Variants in TMEM68 observed in about 807,000 individuals in gnomAD.
The protein encoded by TMEM68 is transmembrane protein 68.
Under a neutral mutation model 36.9 loss-of-function variants are expected in TMEM68, and 25 were observed. That is an observed-to-expected ratio of 0.68 (90% CI 0.49 to 0.95). The LOEUF is 0.95. Ranked by LOEUF, TMEM68 falls within the 40% of genes least tolerant of loss-of-function variation. The pLI, the probability that TMEM68 is intolerant of heterozygous loss-of-function variation, is 0.00. For synonymous variants in TMEM68, 131 were observed against 124.4 expected (o/e 1.05, Z -0.35); for missense variants, 333 against 392.0 (o/e 0.85, Z 1.27).
Position 55,745,078 on chromosome 8 carries a change from C to T in TMEM68, c.731G>A (p.Arg244Lys). Residue 244 changes from arginine to lysine, a missense_variant, in exon 6 of 8, where the codon AGA (arginine) becomes AAA (lysine). By Grantham distance (26) the Arg-to-Lys change is conservative. Transcript: ENST00000434581. ...GAACTTACTTGTTCCTCCAAGTGAT[C>T]TAAATCCTTCTCGAATATTTTGTGT... ...MFTQNIREGF[R>K]SLGGTRLFRW... The T allele has an allele frequency of 6.7e-7, 1 of 1,496,220 alleles. No individual in the cohort carries two copies. The allele number at this position is 1,496,220 out of a possible 1,614,324, so 92.7% of individuals were successfully genotyped here.
At chr8:55,766,323 G>A (rs975802995) in intron 1 of TMEM68, among the ~76,000 whole-genome samples, 3 of 151,566 alleles carry the variant, frequency 2.0e-5, no homozygotes, top group African/African-American at 4.9e-5. Context: ...GACAGGGAGG[G>A]CACTTGGAAA....
At chr8:55,745,199 A>C in intron 5 of TMEM68, 78 bp from the exon 6 acceptor site, 1 of 990,790 alleles carries the variant, frequency 1.0e-6, no homozygotes, top group South Asian at 2.2e-5. Context: ...ACTAATGCAA[A>C]CTTTTTTTTT....
intron 7 of TMEM68, among the ~76,000 whole-genome samples, chr8:55,741,855 G>A (rs1182632457): frequency 3.3e-5 from 5 of 152,106 alleles, no homozygotes; most frequent in African/African-American, 2.4e-5. Flanking sequence ...AAGTAAAAAA[G>A]CATAGACTTT....
intron 5 of TMEM68, among the ~76,000 whole-genome samples, chr8:55,750,143 T>G (rs943160615): frequency 2.0e-5 from 3 of 152,214 alleles, no homozygotes; most frequent in African/African-American, 7.2e-5. Context: ...TTTTTATCAT[T>G]GTTTTCATAT....
At chr8:55,760,893 C>G (rs1810770124) in intron 3 of TMEM68, 1 of 152,148 alleles carries the variant, frequency 6.6e-6, no homozygotes, top group African/African-American at 2.4e-5. Context: ...CTCTACAAAA[C>G]AGTCACTGAG....
chr8:55,759,678 T>C (rs1409118575), intron 3 of TMEM68, among the ~76,000 whole-genome samples: 1 of 152,218 alleles, frequency 6.6e-6, no homozygotes, highest in African/African-American at 2.4e-5. Flanking sequence ...CACTGTTATA[T>C]ATACACAGAT....
intron 3 of TMEM68, among the ~76,000 whole-genome samples, chr8:55,756,950 A>G (rs1810625758): frequency 7.1e-6 from 1 of 140,086 alleles, no homozygotes; most frequent in Non-Finnish European, 1.5e-5. Flanking sequence ...GTGGCCTGGC[A>G]CAAGCAGGGA....
intron 7 of TMEM68, among the ~76,000 whole-genome samples, chr8:55,742,094 T>C (rs111761583): frequency 5.3e-5 from 8 of 152,242 alleles, no homozygotes; most frequent in South Asian, 4.1e-4. Flanking sequence ...TATCACGTGA[T>C]ACAACATAGA....
In TMEM68 at chr8:55,743,616, T is replaced by C. The variant is rs1465435653; in HGVS notation, c.753A>G (p.Leu251=). Reference sequence around the variant, plus strand: ...GGAATTTTTCATAAAGCCACCTAAATAACCCTGTTTTAGAGTAAATACAAT... The same window carrying C: ...GGAATTTTTCATAAAGCCACCTAAACAACCCTGTTTTAGAGTAAATACAAT... The part of the protein sequence containing the change: ...EGFRSLGGTR[L]FRWLYEKFRY... Residue 251 remains leucine, a synonymous_variant, in exon 7 of 8, where the codon TTA becomes TTG. Transcript: ENST00000434581. 1 of 1,534,348 alleles carries C rather than the reference T, an allele frequency of 6.5e-7. No homozygotes were observed. The highest frequency in any genetic ancestry group is 2.4e-5 in the East Asian group (1 of 40,890).
intron 4 of TMEM68, among the ~76,000 whole-genome samples, chr8:55,754,460 TATATATACAC>T (rs1476357704): frequency 9.0e-6 from 1 of 110,716 alleles, no homozygotes; most frequent in African/African-American, 4.0e-5. Context: ...TATATATATA[TATATATACAC>T]ACACACACAC....
At chr8:55,746,179 G>A (rs1226389079) in intron 5 of TMEM68, 1 of 150,712 alleles carries the variant, frequency 6.6e-6, no homozygotes, top group Admixed American at 6.7e-5. Flanking sequence ...ATCCAGTTGC[G>A]GTGGTACGTG....
At position 55,748,420 on chromosome 8, in the gene TMEM68, C is replaced by G. The variant is rs547481157; in HGVS notation, c.687+2544G>C. 2.6e-5 allele frequency among the ~76,000 whole-genome samples: 4 copies of G among 152,228 alleles called. No homozygotes were observed. The South Asian group carries it at 6.2e-4, about 24-fold the overall frequency. The stretch of plus-strand genomic sequence containing the variant: ...CTCCTAACCTCAAGTGATCTGCCCA[C>G]CTCAGCCTTCATTCCTTCTTTCATG... On this transcript the variant is annotated intron_variant, in intron 5 of 7. Transcript: ENST00000434581.
chr8:55,758,667 A>T (rs1340367072), intron 3 of TMEM68, among the ~76,000 whole-genome samples: 1 of 152,190 alleles, frequency 6.6e-6, no homozygotes, highest in East Asian at 1.9e-4. Flanking sequence ...TTAATTGGGC[A>T]TGGTGGCATG....
At chr8:55,768,630 G>A (rs553881895) in intron 1 of TMEM68, among the ~76,000 whole-genome samples, 1 of 152,060 alleles carries the variant, frequency 6.6e-6, no homozygotes, top group Admixed American at 6.5e-5. Flanking sequence ...CAGATCACTT[G>A]AGGCCAGGAG....
rs749934648 is a variant in TMEM68 at position 55,762,867 on chromosome 8, C to A, written c.93G>T (p.Val31=). ...LIHILEEWFG[V]EQLEDYLNFA... Reference sequence around the variant, plus strand: ...AATTCAAATAGTCCTCCAACTGCTCCACACCAAACCATTCTTCGAGTATGT... The same window carrying A: ...AATTCAAATAGTCCTCCAACTGCTCAACACCAAACCATTCTTCGAGTATGT... Residue 31 remains valine (V), a synonymous_variant, in exon 3 of 8, where the codon GTG becomes GTT. Transcript: ENST00000434581. 5 of 1,614,042 alleles carry A rather than the reference C, an allele frequency of 3.1e-6. No homozygotes were observed. In the Admixed American group the frequency reaches 8.3e-5, roughly 27 times the overall value.
chr8:55,741,944 T>C (rs2129899439), intron 7 of TMEM68, among the ~76,000 whole-genome samples: 1 of 152,150 alleles, frequency 6.6e-6, no homozygotes, highest in Admixed American at 6.5e-5. Flanking sequence ...TAATTCCAGC[T>C]ATTTGGGAGG....
intron 5 of TMEM68, among the ~76,000 whole-genome samples, chr8:55,748,726 C>T (rs1399492427): frequency 6.6e-6 from 1 of 152,062 alleles, no homozygotes; most frequent in Admixed American, 6.6e-5. Flanking sequence ...CCAACCTCAG[C>T]CATCTGAGTA....
At chr8:55,758,892 G>C (rs1276805204) in intron 3 of TMEM68, among the ~76,000 whole-genome samples, 1 of 152,158 alleles carries the variant, frequency 6.6e-6, no homozygotes. Flanking sequence ...TCAGCAGAAA[G>C]ATGGAAACTA....
At chr8:55,758,528 G>A (rs1455977404) in intron 3 of TMEM68, among the ~76,000 whole-genome samples, 7 of 152,208 alleles carry the variant, frequency 4.6e-5, no homozygotes, top group Admixed American at 3.3e-4. Context: ...AAGTTAAAGG[G>A]GAATGCAGTG....
Sources: gnomAD v4.1 joint callset for allele counts (sites outside exome capture counted in the v4.1 genomes callset) on GRCh38, gnomAD v4.1.1 for gene constraint, MANE v1.5 for transcripts, NCBI Gene and HGNC (gene_info 2026-07-23, HGNC 2026-07-21) for gene names.